NPAS3: variants seen among roughly 807,000 people sequenced by gnomAD.
The protein encoded by NPAS3 is neuronal PAS domain protein 3.
In NPAS3, 14 loss-of-function variants were observed where a neutral mutation model predicts 73.1. The observed-to-expected ratio is 0.19, with a 90% confidence interval of 0.13 to 0.30. NPAS3 has a LOEUF of 0.30. NPAS3 is among the 10% of genes least tolerant of loss of function. The pLI is 1.00. For missense variants in NPAS3, 1,096 were observed against 1,250.0 expected, an observed-to-expected ratio of 0.88 and a Z score of 1.86; for synonymous variants, 620 against 541.5, an observed-to-expected ratio of 1.14 and a Z score of -2.01.
intron 2 of NPAS3, among the ~76,000 whole-genome samples, chr14:33,086,348 A>G (rs1959161): frequency 0.19 from 28,669 of 152,062 alleles, 2,897 homozygotes; most frequent in East Asian, 0.36. Flanking sequence ...GTTATTTTCC[A>G]TATATTCTTC....
chr14:32,976,303 G>A (rs2037674878), intron 1 of NPAS3, among the ~76,000 whole-genome samples: 1 of 152,134 alleles, frequency 6.6e-6, no homozygotes, highest in African/African-American at 2.4e-5. Flanking sequence ...GAAATCTGAG[G>A]TCTCTGAAGT....
intron 6 of NPAS3, among the ~76,000 whole-genome samples, chr14:33,701,173 C>T (rs2060514010): frequency 6.6e-6 from 1 of 152,186 alleles, no homozygotes; most frequent in African/African-American, 2.4e-5. Flanking sequence ...GCACAGCCTA[C>T]CAAGTATTTT....
chr14:33,746,965 A>G (rs999332570), intron 7 of NPAS3, among the ~76,000 whole-genome samples: 53 of 150,476 alleles, frequency 3.5e-4, no homozygotes, highest in East Asian at 1.6e-3. Flanking sequence ...TCATTGTTCA[A>G]TTCCCACCTA....
chr14:32,936,006 TGAGA>T (rs543856687), upstream of NPAS3, among the ~76,000 whole-genome samples: 98 of 152,378 alleles, frequency 6.4e-4, 1 homozygote, highest in Non-Finnish European at 1.1e-3. Flanking sequence ...ATTAAACATC[TGAGA>T]GATTTGCCAA....
intron 6 of NPAS3, among the ~76,000 whole-genome samples, chr14:33,704,073 A>C (rs2060593021): frequency 6.6e-6 from 1 of 152,220 alleles, no homozygotes; most frequent in Non-Finnish European, 1.5e-5. Flanking sequence ...ACTTCAAAGG[A>C]CTATGTGAGG....
intron 2 of NPAS3, among the ~76,000 whole-genome samples, chr14:33,114,189 C>A (rs2042987087): frequency 1.3e-5 from 2 of 152,018 alleles, no homozygotes; most frequent in Admixed American, 6.6e-5. Flanking sequence ...GCTGGTGCTA[C>A]CAAATGTGGC....
intron 4 of NPAS3, among the ~76,000 whole-genome samples, chr14:33,377,574 AATG>A (rs1188001042): frequency 6.6e-6 from 1 of 152,250 alleles, no homozygotes; most frequent in East Asian, 1.9e-4. Flanking sequence ...GGATGTTCAT[AATG>A]ATGTCTCTAT....
intron 4 of NPAS3, among the ~76,000 whole-genome samples, chr14:33,432,955 G>C (rs2048841907): frequency 6.6e-6 from 1 of 152,072 alleles, no homozygotes; most frequent in East Asian, 1.9e-4. Flanking sequence ...TTATTACATA[G>C]GTATTCCATG....
chr14:33,197,468 T>G (rs572884061), intron 2 of NPAS3, among the ~76,000 whole-genome samples: 1 of 151,840 alleles, frequency 6.6e-6, no homozygotes, highest in South Asian at 2.1e-4. Context: ...ACCTAAGCTG[T>G]AAGCTTCCAT....
At chr14:33,707,380 T>G (rs916523640) in intron 6 of NPAS3, among the ~76,000 whole-genome samples, 2 of 152,112 alleles carry the variant, frequency 1.3e-5, no homozygotes, top group Non-Finnish European at 2.9e-5. Context: ...ATTTAATATT[T>G]GTTGAGTGCC....
intron 1 of NPAS3, among the ~76,000 whole-genome samples, chr14:32,992,083 G>A (rs917560000): frequency 1.3e-5 from 2 of 152,188 alleles, no homozygotes; most frequent in African/African-American, 4.8e-5. Context: ...TCAGAATGGG[G>A]GAGTTGGAGG....
At chr14:33,628,843 C>T (rs2058294635) in intron 5 of NPAS3, among the ~76,000 whole-genome samples, 1 of 152,284 alleles carries the variant, frequency 6.6e-6, no homozygotes, top group East Asian at 1.9e-4. Flanking sequence ...TAGAAAGAAA[C>T]AAGATCATGC....
chr14:33,443,123 C>T (rs1468284086), intron 4 of NPAS3, among the ~76,000 whole-genome samples: 1 of 152,134 alleles, frequency 6.6e-6, no homozygotes, highest in East Asian at 1.9e-4. Context: ...TTCCTTTACT[C>T]AAGTTATTAT....
intron 3 of NPAS3, among the ~76,000 whole-genome samples, chr14:33,280,481 G>T (rs1022188382): frequency 1.3e-5 from 2 of 152,124 alleles, no homozygotes; most frequent in African/African-American, 2.4e-5. Context: ...TTTGACCGTG[G>T]TTTTGCCACT....
At chr14:33,216,197 G>A (rs2047216909) in intron 3 of NPAS3, among the ~76,000 whole-genome samples, 1 of 152,146 alleles carries the variant, frequency 6.6e-6, no homozygotes, top group African/African-American at 2.4e-5. Flanking sequence ...TAAATAATCT[G>A]CTAGGTTCTT....
chr14:33,099,852 G>A (rs2042531899), intron 2 of NPAS3, among the ~76,000 whole-genome samples: 2 of 152,034 alleles, frequency 1.3e-5, no homozygotes, highest in African/African-American at 4.8e-5. Flanking sequence ...ACCTTTACCT[G>A]GTTTATATTC....
intron 1 of NPAS3, among the ~76,000 whole-genome samples, chr14:32,985,333 A>G (rs2038055014): frequency 6.6e-6 from 1 of 152,192 alleles, no homozygotes; most frequent in African/African-American, 2.4e-5. Context: ...AGGCTATGGA[A>G]CATTTTTGAA....
chr14:32,975,314 G>GTCACTCCCTTCCTCCC (rs1566422022), intron 1 of NPAS3, among the ~76,000 whole-genome samples: 1 of 135,352 alleles, frequency 7.4e-6, no homozygotes. Flanking sequence ...CCCTGCCTCC[G>GTCACTCCCTTCCTCCC]TCACTCCCTG....
chr14:33,349,145 G>A lies in NPAS3; in HGVS notation c.386-18041G>A, dbSNP rs556081072. 2.0e-5 allele frequency among the ~76,000 whole-genome samples: 3 copies of A among 152,242 alleles called. No homozygotes were observed. In the South Asian group the frequency reaches 6.2e-4, roughly 32 times the overall value. On this transcript the variant is annotated intron_variant, in intron 3 of 11. Coordinates refer to ENST00000356141, the Ensembl canonical transcript of NPAS3. ...TTAACTATGGCTTTTCTTTATTTAG[G>A]CTAACCATGTCTATAATGTCATAAT...
Sources: allele counts gnomAD v4.1 joint callset (sites outside exome capture counted in the v4.1 genomes callset), GRCh38; gene constraint gnomAD v4.1.1; transcripts MANE v1.5; gene names NCBI Gene and HGNC (gene_info 2026-07-23, HGNC 2026-07-21).